UNK: variants seen among roughly 807,000 people sequenced by gnomAD.
UNK encodes the protein unk zinc finger.
UNK carries 32 observed loss-of-function variants against 97.6 expected under a neutral mutation model. The ratio of observed to expected loss-of-function variants is 0.33; its 90% CI spans 0.25 to 0.44. UNK has a LOEUF of 0.44. Ranked by LOEUF, UNK falls within the 20% of genes least tolerant of loss-of-function variation. The pLI is 1.00. For synonymous variants in UNK, 441 were observed against 461.2 expected (o/e 0.96, Z 0.56); for missense variants, 771 against 1,098.4 (o/e 0.70, Z 4.21).
Position 75,812,291 on chromosome 17 carries a change from G to A in UNK, c.491+3G>A, listed in dbSNP as rs369021639. ...CGCTCCCCTGTCTACGACATCAGGT[G>A]GGCTGGGTGCTGGGCTGGGCTGATG... On this transcript the variant is annotated splice_donor_region_variant and intron_variant, in intron 3 of 15. Coordinates refer to ENST00000589666, the MANE Select transcript of UNK (RefSeq NM_001080419.3). The A allele has an allele frequency of 1.1e-5, 18 of 1,609,342 alleles. No homozygotes were observed. The highest frequency in any genetic ancestry group is 1.4e-5 in the Non-Finnish European group (17 of 1,176,890).
chr17:75,800,744 A>G lies in UNK; in HGVS notation c.105-9016A>G, dbSNP rs577762026. On this transcript the variant is annotated intron_variant, in intron 1 of 15. Transcript: ENST00000589666. ...AGAGCGAGACTCTGTCTCAAAAAAT[A>G]AAAAATAAATAAAATAACGCTTCCT... is the stretch of plus-strand genomic sequence containing the variant. Among the ~76,000 whole-genome samples, 46 of 151,812 alleles carry G rather than the reference A, an allele frequency of 3.0e-4. No homozygotes were observed. The East Asian group carries it at 8.7e-3, about 29-fold the overall frequency.
At chr17:75,815,319 G>A (rs2062007432) in intron 7 of UNK, 66 bp downstream of exon 7, 2 of 1,495,310 alleles carry the variant, frequency 1.3e-6, no homozygotes, top group Middle Eastern at 1.8e-4. Context: ...GCTAGCTCAG[G>A]CTTAGGCCGG....
intron 1 of UNK, among the ~76,000 whole-genome samples, chr17:75,789,758 G>A (rs2061746046): frequency 6.6e-6 from 1 of 152,250 alleles, no homozygotes; most frequent in South Asian, 2.1e-4. Flanking sequence ...TTAAGAATGA[G>A]GAGAACTTTT....
In UNK at chr17:75,817,562, TCTC is replaced by T. The variant is rs765588371; in HGVS notation, c.1305+39_1305+41del. ...AGGGAGGCAGCAGTGAGGTTAGCCT[TCTC>T]CTGCGTGGGGCAAGAGAATCTTGGA... On this transcript the variant is annotated intron_variant, in intron 9 of 15. Coordinates refer to ENST00000589666, the MANE Select transcript of UNK (RefSeq NM_001080419.3). This position sits in a 1 kb window ranked among gnomAD's most constrained non-coding sequence, Gnocchi z 5.8. 9.0e-6 allele frequency: 14 copies of T among 1,553,250 alleles called. No individual in the cohort carries two copies. In the Admixed American group the frequency reaches 1.7e-4, roughly 19 times the overall value.
intron 1 of UNK, among the ~76,000 whole-genome samples, chr17:75,805,478 T>C (rs2061904057): frequency 6.6e-6 from 1 of 151,346 alleles, no homozygotes; most frequent in African/African-American, 2.4e-5. Flanking sequence ...TGAAAAGACA[T>C]TTTCAAAGAT....
intron 1 of UNK, chr17:75,792,081 C>T: frequency 4.1e-6 from 4 of 982,796 alleles, no homozygotes; most frequent in Non-Finnish European, 4.8e-6. Context: ...TAGAGCCCTG[C>T]CACAGCCTGA....
chr17:75,798,893 C>T (rs1184559275), intron 1 of UNK, among the ~76,000 whole-genome samples: 5 of 151,674 alleles, frequency 3.3e-5, no homozygotes, highest in Non-Finnish European at 7.4e-5. Flanking sequence ...AGTGAAACCC[C>T]GTCTCTACTA....
At chr17:75,793,880 A>T in intron 1 of UNK, 1 of 985,440 alleles carries the variant, frequency 1.0e-6, no homozygotes, top group Non-Finnish European at 1.2e-6. Context: ...AGAGGTTGAT[A>T]AAAACCTTTA....
chr17:75,802,094 C>T (rs542591088), intron 1 of UNK, among the ~76,000 whole-genome samples: 51 of 151,996 alleles, frequency 3.4e-4, no homozygotes, highest in African/African-American at 1.2e-3. Flanking sequence ...GTGATTTGCC[C>T]GCCTTGGCCT....
At position 75,818,138 on chromosome 17, in the gene UNK, T is replaced by G; in HGVS notation, c.1341T>G (p.Ser447Arg). The G allele has an allele frequency of 1.9e-6, 3 of 1,612,992 alleles. No homozygotes were observed. Among genetic ancestry groups the G allele is most frequent in the Non-Finnish European group, 2.5e-6 (3 of 1,179,674 alleles). ...AACCCCACTCATTAGAGCCCAGGAGTCAAGAGCAGCCTCTGCTTCAGCCCA... is the reference window on the plus strand; with the variant it reads ...AACCCCACTCATTAGAGCCCAGGAGGCAAGAGCAGCCTCTGCTTCAGCCCA... ...KLKPHSLEPR[S>R]QEQPLLQPKQ... The change falls in exon 10 of 16, where the codon AGT becomes AGG. Residue 447 changes from serine (S) to arginine (R), a missense_variant. By Grantham distance (110) the Ser-to-Arg change is moderately radical. Coordinates refer to ENST00000589666, the MANE Select transcript of UNK (RefSeq NM_001080419.3). The surrounding 1 kb of genome is among the most constrained non-coding windows in gnomAD (Gnocchi z 5.1).
intron 1 of UNK, among the ~76,000 whole-genome samples, chr17:75,800,935 ACT>A (rs1184350154): frequency 4.0e-4 from 60 of 150,494 alleles, no homozygotes; most frequent in African/African-American, 2.0e-4. Flanking sequence ...ACGGAGTGTC[ACT>A]CTGTCGCCCA....
intron 13 of UNK, chr17:75,821,286 C>T (rs575570840): frequency 5.9e-4 from 251 of 422,592 alleles, no homozygotes; most frequent in Non-Finnish European, 1.0e-3. Context: ...GACTATTGAG[C>T]ACAGGTGTAT....
At chr17:75,810,402 A>G (rs1339381217) in intron 2 of UNK, among the ~76,000 whole-genome samples, 1 of 152,070 alleles carries the variant, frequency 6.6e-6, no homozygotes, top group African/African-American at 2.4e-5. Context: ...GAGGTGCCAC[A>G]CCTGGGAGTG....
chr17:75,819,080 T>C lies in UNK; in HGVS notation c.1546+264T>C, dbSNP rs1347989358. On this transcript the variant is annotated intron_variant, in intron 11 of 15. Transcript: ENST00000589666. This position sits in a 1 kb window ranked among gnomAD's most constrained non-coding sequence, Gnocchi z 5.4. Reference sequence around the variant, plus strand: ...GTGAGTACAGTCTCACCCCAAGACGTGTTGTTCAGTCCCCACTCATCTCAC... The same window carrying C: ...GTGAGTACAGTCTCACCCCAAGACGCGTTGTTCAGTCCCCACTCATCTCAC... The C allele has an allele frequency of 4.9e-6, 2 of 406,482 alleles. No individual in the cohort carries two copies. The highest frequency in any genetic ancestry group is 1.1e-4 in the South Asian group (2 of 18,900). 25.2% of individuals were successfully genotyped at this position (406,482 alleles called of 1,614,324 possible). A position where few individuals can be genotyped will look rare whatever the true frequency, so the allele number is the denominator to read the frequency against.
intron 1 of UNK, among the ~76,000 whole-genome samples, chr17:75,798,098 C>G (rs1037515801): frequency 7.3e-6 from 1 of 137,602 alleles, no homozygotes; most frequent in Non-Finnish European, 1.5e-5. Flanking sequence ...AAGACAGAGT[C>G]TTGCTCTTGT....
At chr17:75,789,124 A>C (rs2061739937) in intron 1 of UNK, among the ~76,000 whole-genome samples, 1 of 151,854 alleles carries the variant, frequency 6.6e-6, no homozygotes, top group African/African-American at 2.4e-5. Flanking sequence ...TTTTTTCTAA[A>C]CTCTTGAATA....
chr17:75,800,996 C>T (rs1005651112), intron 1 of UNK, among the ~76,000 whole-genome samples: 7 of 151,490 alleles, frequency 4.6e-5, no homozygotes, highest in Admixed American at 1.3e-4. Flanking sequence ...CTCTGTCTCC[C>T]GGGTTCATAC....
chr17:75,822,757 G>A, intron 14 of UNK, 99 bp downstream of exon 14: 2 of 1,365,582 alleles, frequency 1.5e-6, no homozygotes, highest in Non-Finnish European at 1.9e-6. Flanking sequence ...GAAAGCGGGG[G>A]CTGGAAGAAC....
At chr17:75,821,161 T>C in intron 13 of UNK, 1 of 311,638 alleles carries the variant, frequency 3.2e-6, no homozygotes, top group East Asian at 9.2e-5. Flanking sequence ...AGGTAATCCT[T>C]CCACATCAGC....
Sources: gnomAD v4.1 joint callset for allele counts (sites outside exome capture counted in the v4.1 genomes callset) on GRCh38, gnomAD v4.1.1 for gene constraint, Gnocchi (gnomAD v3.1) non-coding constraint, MANE v1.5 for transcripts, NCBI Gene and HGNC (gene_info 2026-07-23, HGNC 2026-07-21) for gene names.